The following UBE3C variants were observed in gnomAD, a reference collection of about 807,000 sequenced individuals.
UBE3C encodes ubiquitin-protein ligase E3C.
Under a neutral mutation model 129.4 loss-of-function variants are expected in UBE3C, and 42 were observed. That is an observed-to-expected ratio of 0.32 (90% CI 0.25 to 0.42). The LOEUF (loss-of-function observed/expected upper bound fraction) is 0.42, where lower values mean the gene tolerates loss of function less well. Among genes scored for constraint, UBE3C ranks in the 10% least tolerant of loss-of-function variants. UBE3C has a pLI of 1.00. For missense variants in UBE3C, 1,049 were observed against 1,319.1 expected, an observed-to-expected ratio of 0.80 and a Z score of 3.17; for synonymous variants, 510 against 492.4, an observed-to-expected ratio of 1.04 and a Z score of -0.47.
At position 157,264,906 on chromosome 7, in the gene UBE3C, G is replaced by A. The variant is rs539010496; in HGVS notation, c.3082-2679G>A. Among the ~76,000 whole-genome samples, 100 of 152,240 alleles carry A rather than the reference G, an allele frequency of 6.6e-4. 1 individual carries two copies. Among genetic ancestry groups the A allele is most frequent in the African/African-American group, 2.3e-3 (97 of 41,552 alleles). ...TTAAATATAATTTTAGCTGTATCTT[G>A]TGTTCAGTTTTCTAGGCTACCTTTT... On this transcript the variant is annotated intron_variant, in intron 22 of 22. Coordinates refer to ENST00000348165, the MANE Select transcript of UBE3C (RefSeq NM_014671.3).
chr7:157,227,211 G>A (rs954818669), intron 17 of UBE3C, among the ~76,000 whole-genome samples: 1 of 152,070 alleles, frequency 6.6e-6, no homozygotes, highest in African/African-American at 2.4e-5. Context: ...AGAGTGAGAT[G>A]TTTAACCTTG....
chr7:157,167,749 G>A (rs1292363372), intron 2 of UBE3C, among the ~76,000 whole-genome samples: 1 of 151,730 alleles, frequency 6.6e-6, no homozygotes, highest in Non-Finnish European at 1.5e-5. Context: ...TTTTAACCAG[G>A]ATGGTCTCGA....
At chr7:157,249,634 C>T (rs1796572094) in intron 19 of UBE3C, among the ~76,000 whole-genome samples, 1 of 152,142 alleles carries the variant, frequency 6.6e-6, no homozygotes, top group Admixed American at 6.5e-5. Flanking sequence ...TTTACGTGGT[C>T]TTCCTTCACT....
At chr7:157,164,313 T>C (rs1808155328) in intron 2 of UBE3C, 6 of 455,204 alleles carry the variant, frequency 1.3e-5, no homozygotes, top group South Asian at 9.3e-5. Context: ...CATGCCACCA[T>C]GCCCAGCTAA....
intron 18 of UBE3C, among the ~76,000 whole-genome samples, chr7:157,237,295 G>T (rs1392618408): frequency 6.6e-6 from 1 of 151,998 alleles, no homozygotes; most frequent in Admixed American, 6.5e-5. Context: ...CAAAAAATTA[G>T]CCGGGCGTGG....
chr7:157,223,425 A>G, intron 16 of UBE3C, 74 bp downstream of exon 16: 1 of 1,341,100 alleles, frequency 7.5e-7, no homozygotes, highest in Non-Finnish European at 1.0e-6. Context: ...CCCACCAGAG[A>G]AATCTCTAAA....
At chr7:157,211,378 T>C (rs1387981747) in intron 13 of UBE3C, among the ~76,000 whole-genome samples, 2 of 152,214 alleles carry the variant, frequency 1.3e-5, no homozygotes, top group African/African-American at 4.8e-5. Context: ...CTTATCCTTT[T>C]CTGTTATTGA....
At position 157,178,843 on chromosome 7, in the gene UBE3C, C is replaced by G; in HGVS notation, c.612C>G (p.His204Gln). 13 of 1,613,988 alleles carry G rather than the reference C, an allele frequency of 8.1e-6. No homozygotes were observed. Among genetic ancestry groups the G allele is most frequent in the Non-Finnish European group, 1.1e-5 (13 of 1,179,920 alleles). Reference protein sequence around the residue: ...VIEQILHYMIHNGYYRSLYLL... With the variant: ...VIEQILHYMIQNGYYRSLYLL... ...AACAAATTTTGCACTACATGATTCA[C>G]AATGGTAAGTAGTAGGCAGGATCAG... is the stretch of plus-strand genomic sequence containing the variant. The change falls in exon 6 of 23, where the codon CAC becomes CAG. Residue 204 changes from histidine to glutamine, a missense_variant. His to Gln is a conservative substitution (Grantham distance 24). This residue lies in a region of UBE3C where 489 missense variants were observed against 513.8 expected (regional missense o/e 0.95). Coordinates refer to ENST00000348165, the MANE Select transcript of UBE3C (RefSeq NM_014671.3).
intron 14 of UBE3C, among the ~76,000 whole-genome samples, chr7:157,220,126 G>A (rs907182862): frequency 6.6e-6 from 1 of 152,106 alleles, no homozygotes; most frequent in African/African-American, 2.4e-5. Context: ...TGGGAGGATC[G>A]CTTGAAACCA....
chr7:157,144,600 C>T (rs571766063), intron 1 of UBE3C, among the ~76,000 whole-genome samples: 3 of 151,886 alleles, frequency 2.0e-5, no homozygotes, highest in South Asian at 2.1e-4. Flanking sequence ...GTTTGTAGAC[C>T]GGAGGAACTG....
chr7:157,179,562 G>A (rs1214998598), intron 6 of UBE3C, among the ~76,000 whole-genome samples: 1 of 152,120 alleles, frequency 6.6e-6, no homozygotes, highest in Non-Finnish European at 1.5e-5. Context: ...AGAACCTTTG[G>A]TCTCGACATC....
chr7:157,163,980 T>G, intron 2 of UBE3C, 117 bp downstream of exon 2: 1 of 885,096 alleles, frequency 1.1e-6, no homozygotes, highest in Non-Finnish European at 1.7e-6. Context: ...TGACAGAATG[T>G]GTGTGTATGT....
intron 6 of UBE3C, 59 bp from the exon 7 acceptor site, chr7:157,181,459 G>GT (rs1808663476): frequency 6.7e-7 from 1 of 1,493,092 alleles, no homozygotes; most frequent in Non-Finnish European, 8.9e-7. Context: ...AAATTGGCAA[G>GT]TTTTTTCCCT....
intron 1 of UBE3C, among the ~76,000 whole-genome samples, chr7:157,142,337 T>C (rs1363175206): frequency 6.6e-6 from 1 of 152,018 alleles, no homozygotes; most frequent in Non-Finnish European, 1.5e-5. Flanking sequence ...TAAATACTTT[T>C]AGTATTTATT....
At chr7:157,231,500 A>G (rs545380629) in intron 18 of UBE3C, 173 bp downstream of exon 18, 46 of 850,952 alleles carry the variant, frequency 5.4e-5, no homozygotes, top group Non-Finnish European at 7.2e-5. Flanking sequence ...AGTAGGTGCT[A>G]TGGTTTGAAT....
chr7:157,224,415 C>T lies in UBE3C; in HGVS notation c.2101-992C>T, dbSNP rs569175282. On this transcript the variant is annotated intron_variant, in intron 16 of 22. Transcript: ENST00000348165. ...TTCGCCGTGTTAGCCAGGATGGTCT[C>T]GATCTCCTGACCTCGTGATCTGCCT... is the stretch of plus-strand genomic sequence containing the variant. 2.6e-5 allele frequency among the ~76,000 whole-genome samples: 4 copies of T among 152,086 alleles called. No homozygotes were observed. In the South Asian group the frequency reaches 8.3e-4, roughly 32 times the overall value.
intron 15 of UBE3C, chr7:157,221,088 G>A (rs1051832885): frequency 2.0e-5 from 5 of 252,452 alleles, no homozygotes; most frequent in Non-Finnish European, 4.0e-5. Flanking sequence ...GGTGCTGTGT[G>A]GGTTGATTGT....
intron 1 of UBE3C, among the ~76,000 whole-genome samples, chr7:157,151,214 G>A (rs1009104395): frequency 6.6e-6 from 1 of 152,224 alleles, no homozygotes; most frequent in Non-Finnish European, 1.5e-5. Context: ...TAGCTTAGTC[G>A]TAAACGCTGG....
In UBE3C at chr7:157,269,008, A is replaced by G. The variant is rs1480933184; in HGVS notation, c.*1253A>G. 6.6e-6 allele frequency: 1 copy of G among 152,654 alleles called. No individual in the cohort carries two copies. Among genetic ancestry groups the G allele is most frequent in the Non-Finnish European group, 1.5e-5 (1 of 68,042 alleles). 9.5% of individuals were successfully genotyped at this position (152,654 alleles called of 1,614,324 possible). ...CATAGTTAATTGACCATAATTAGCA[A>G]TATACTTTTAAAGTGGGAAAGCTGA... On this transcript the variant is annotated 3_prime_UTR_variant, in exon 23 of 23. Transcript: ENST00000348165.
Sources: allele counts gnomAD v4.1 joint callset (sites outside exome capture counted in the v4.1 genomes callset), GRCh38; gene constraint gnomAD v4.1.1; regional missense constraint gnomAD v4.1.1; transcripts MANE v1.5; gene names NCBI Gene and HGNC (gene_info 2026-07-23, HGNC 2026-07-21).